Variants in AGBL1 observed in about 807,000 individuals in gnomAD.
The protein encoded by AGBL1 is cytosolic carboxypeptidase 4.
In AGBL1, 130 loss-of-function variants were observed where a neutral mutation model predicts 118.9. That is an observed-to-expected ratio of 1.09 (90% CI 0.95 to 1.26). The LOEUF is 1.26. Among genes scored for constraint, AGBL1 ranks in the 50% most tolerant of loss-of-function variants. The probability of loss-of-function intolerance (pLI) is 0.00; values close to 1 mark genes in which losing one functional copy is unlikely to be tolerated. For missense variants in AGBL1, 1,584 were observed against 1,298.1 expected (o/e 1.22, Z -3.38); for synonymous variants, 555 against 478.9 (o/e 1.16, Z -2.08).
intron 6 of AGBL1, 28 bp from the exon 7 acceptor site, chr15:86,247,643 C>G: frequency 6.4e-7 from 1 of 1,568,792 alleles, no homozygotes; most frequent in Non-Finnish European, 8.6e-7. Context: ...GAGCCTGTGA[C>G]TGACCCTGCC....
At chr15:86,559,888 C>A (rs957733113) in intron 21 of AGBL1, among the ~76,000 whole-genome samples, 3 of 152,038 alleles carry the variant, frequency 2.0e-5, no homozygotes, top group African/African-American at 7.2e-5. Flanking sequence ...AGCAGGAGAC[C>A]CACCTTCTGC....
intron 21 of AGBL1, among the ~76,000 whole-genome samples, chr15:86,581,346 T>G (rs1237064916): frequency 6.6e-6 from 1 of 152,172 alleles, no homozygotes; most frequent in Non-Finnish European, 1.5e-5. Flanking sequence ...GATAGGTCCC[T>G]TCTTACTTTC....
At chr15:86,435,843 A>G (rs1449798044) in intron 18 of AGBL1, among the ~76,000 whole-genome samples, 1 of 152,230 alleles carries the variant, frequency 6.6e-6, no homozygotes, top group Non-Finnish European at 1.5e-5. Context: ...TTCCTAGTAT[A>G]TAATAAAGGC....
At chr15:86,560,238 C>T (rs28539123) in intron 21 of AGBL1, among the ~76,000 whole-genome samples, 3 of 151,590 alleles carry the variant, frequency 2.0e-5, no homozygotes, top group Non-Finnish European at 4.4e-5. Flanking sequence ...TGTGCTACAC[C>T]CATTAACTCG....
intron 18 of AGBL1, among the ~76,000 whole-genome samples, chr15:86,476,323 A>G (rs1479970882): frequency 6.6e-6 from 1 of 152,216 alleles, no homozygotes; most frequent in Non-Finnish European, 1.5e-5. Flanking sequence ...AGTGTGCTGT[A>G]TTCAGGAGAC....
chr15:86,836,163 G>T (rs1007669758), intron 22 of AGBL1, among the ~76,000 whole-genome samples: 1 of 152,152 alleles, frequency 6.6e-6, no homozygotes, highest in South Asian at 2.1e-4. Context: ...CTGGAAATTG[G>T]TACTGGATGA....
At chr15:86,516,786 T>G (rs1361877445) in intron 18 of AGBL1, among the ~76,000 whole-genome samples, 1 of 108,996 alleles carries the variant, frequency 9.2e-6, no homozygotes, top group Non-Finnish European at 1.8e-5. Context: ...AGAGTGAAAC[T>G]CCATCTCAAA....
chr15:86,157,306 G>A (rs1372951075), intron 4 of AGBL1, among the ~76,000 whole-genome samples: 3 of 152,148 alleles, frequency 2.0e-5, no homozygotes, highest in Non-Finnish European at 4.4e-5. Flanking sequence ...AAGGAAAAGA[G>A]GAACTGTGGC....
intron 1 of AGBL1, among the ~76,000 whole-genome samples, chr15:86,096,944 T>G (rs1252388706): frequency 6.6e-6 from 1 of 152,176 alleles, no homozygotes; most frequent in East Asian, 1.9e-4. Context: ...CCACTTATCT[T>G]GGGACATTTA....
intron 22 of AGBL1, among the ~76,000 whole-genome samples, chr15:86,859,172 A>G (rs2079526235): frequency 6.6e-6 from 1 of 152,158 alleles, no homozygotes; most frequent in East Asian, 1.9e-4. Context: ...AGAGGAACTA[A>G]TATATGAGTC....
At chr15:86,789,020 A>G (rs930521054) in intron 22 of AGBL1, among the ~76,000 whole-genome samples, 4 of 152,216 alleles carry the variant, frequency 2.6e-5, no homozygotes, top group Non-Finnish European at 4.4e-5. Flanking sequence ...ACACTGCAAA[A>G]TCTGGAAGGA....
intron 22 of AGBL1, among the ~76,000 whole-genome samples, chr15:86,893,264 C>A (rs1323689529): frequency 6.6e-6 from 1 of 152,144 alleles, no homozygotes; most frequent in African/African-American, 2.4e-5. Flanking sequence ...CCTCTTGCTT[C>A]TCAGTAGGTG....
chr15:86,683,938 A>T (rs2086008662), intron 22 of AGBL1, among the ~76,000 whole-genome samples: 1 of 152,038 alleles, frequency 6.6e-6, no homozygotes. Context: ...TCTAATTCTT[A>T]TTTCTTTTTA....
chr15:86,267,294 A>G (rs2079089802), intron 13 of AGBL1, among the ~76,000 whole-genome samples: 2 of 42,622 alleles, frequency 4.7e-5, no homozygotes, highest in South Asian at 1.6e-3. Context: ...CACTAAGTGT[A>G]CTGATATCAT....
At chr15:86,177,963 A>G (rs2141778448) in intron 5 of AGBL1, among the ~76,000 whole-genome samples, 1 of 152,306 alleles carries the variant, frequency 6.6e-6, no homozygotes, top group East Asian at 1.9e-4. Context: ...TTACAAATAG[A>G]AAAACAATAA....
chr15:86,125,459 G>A (rs1898362121), intron 1 of AGBL1, among the ~76,000 whole-genome samples: 1 of 152,150 alleles, frequency 6.6e-6, no homozygotes, highest in African/African-American at 2.4e-5. Flanking sequence ...TTGTTTTGCA[G>A]CTGCGTTGAG....
intron 1 of AGBL1, among the ~76,000 whole-genome samples, chr15:86,098,210 T>C (rs1896501826): frequency 6.6e-6 from 1 of 152,214 alleles, no homozygotes; most frequent in South Asian, 2.1e-4. Flanking sequence ...TTCTGGATAT[T>C]AGTCCCTTCT....
intron 22 of AGBL1, among the ~76,000 whole-genome samples, chr15:86,726,485 G>T (rs1173165311): frequency 6.6e-6 from 1 of 152,172 alleles, no homozygotes; most frequent in African/African-American, 2.4e-5. Context: ...AATAGATGAA[G>T]GTTAACTTAG....
At chr15:86,736,019 A>T (rs1321145852) in intron 22 of AGBL1, among the ~76,000 whole-genome samples, 1 of 152,176 alleles carries the variant, frequency 6.6e-6, no homozygotes, top group Non-Finnish European at 1.5e-5. Context: ...GAGGATACCA[A>T]GTTTACTGCA....
Sources: allele counts gnomAD v4.1 joint callset (sites outside exome capture counted in the v4.1 genomes callset), GRCh38; gene constraint gnomAD v4.1.1; transcripts MANE v1.5; gene names NCBI Gene and HGNC (gene_info 2026-07-23, HGNC 2026-07-21).